Variants in GLIS3 observed in about 807,000 individuals in gnomAD.
GLIS3 encodes the protein zinc finger protein GLIS3.
A neutral mutation model predicts 78.6 loss-of-function variants in GLIS3; 53 were observed. The observed-to-expected ratio is 0.67, with a 90% CI of 0.54 to 0.85. GLIS3 has a LOEUF of 0.85. GLIS3 is among the 40% of genes least tolerant of loss of function. The pLI is 0.00. For missense variants in GLIS3, 1,703 were observed against 1,231.1 expected (o/e 1.38, Z -5.74); for synonymous variants, 684 against 509.9 (o/e 1.34, Z -4.60).
intron 2 of GLIS3, among the ~76,000 whole-genome samples, chr9:4,205,355 T>C (rs1819780532): frequency 6.6e-6 from 1 of 152,188 alleles, no homozygotes; most frequent in African/African-American, 2.4e-5. Flanking sequence ...CTGGCTTCAG[T>C]CAATCCTCAT....
chr9:4,439,763 G>A, the GLIS3 span, among the ~76,000 whole-genome samples: 1 of 152,010 alleles, frequency 6.6e-6, no homozygotes, highest in Non-Finnish European at 1.5e-5. Flanking sequence ...TCATATTTGG[G>A]AACCTTCCCA....
intron 3 of GLIS3, among the ~76,000 whole-genome samples, chr9:4,125,402 T>G (rs1032837219): frequency 6.6e-6 from 1 of 152,196 alleles, no homozygotes; most frequent in African/African-American, 2.4e-5. Context: ...CATGCAAATT[T>G]GCTAGGCCAT....
At chr9:3,982,489 T>C (rs1819381206) in intron 4 of GLIS3, among the ~76,000 whole-genome samples, 1 of 152,224 alleles carries the variant, frequency 6.6e-6, no homozygotes, top group African/African-American at 2.4e-5. Flanking sequence ...AATGGCTGCA[T>C]TCCTCTTTTA....
At chr9:3,849,606 G>C (rs1819293996) in intron 9 of GLIS3, among the ~76,000 whole-genome samples, 1 of 152,152 alleles carries the variant, frequency 6.6e-6, no homozygotes, top group African/African-American at 2.4e-5. Context: ...TTTCCTGTTA[G>C]ACGTCTTGTC....
At chr9:4,000,554 T>C (rs1416518879) in intron 4 of GLIS3, among the ~76,000 whole-genome samples, 1 of 151,858 alleles carries the variant, frequency 6.6e-6, no homozygotes, top group African/African-American at 2.4e-5. Flanking sequence ...TACCAGAGGG[T>C]AGAAAATATC....
At chr9:4,047,148 T>A (rs1018777739) in intron 4 of GLIS3, among the ~76,000 whole-genome samples, 1 of 152,148 alleles carries the variant, frequency 6.6e-6, no homozygotes, top group Non-Finnish European at 1.5e-5. Flanking sequence ...GTTCTTGTGT[T>A]AGTGAGTGAG....
intron 5 of GLIS3, 41 bp from the exon 6 acceptor site, chr9:3,932,511 A>G: frequency 7.0e-7 from 1 of 1,425,792 alleles, no homozygotes; most frequent in East Asian, 2.3e-5. Context: ...TGGTTAAATC[A>G]TAAAGGTAAT....
chr9:4,329,926 C>G (rs901974667), intron 2 of GLIS3, among the ~76,000 whole-genome samples: 1 of 152,142 alleles, frequency 6.6e-6, no homozygotes, highest in Non-Finnish European at 1.5e-5. Context: ...ATGAATGCAG[C>G]ATGATATTAT....
the GLIS3 span, among the ~76,000 whole-genome samples, chr9:4,367,577 T>C: frequency 7.3e-6 from 1 of 136,186 alleles, no homozygotes; most frequent in Non-Finnish European, 1.5e-5. Flanking sequence ...GAAGTAGCAG[T>C]GAGCCAAGAT....
the GLIS3 span, among the ~76,000 whole-genome samples, chr9:4,380,838 C>T: frequency 5.9e-5 from 9 of 152,194 alleles, no homozygotes; most frequent in South Asian, 2.1e-4. Context: ...AAGAATAGAA[C>T]GAGAAGAGAA....
intron 2 of GLIS3, among the ~76,000 whole-genome samples, chr9:4,261,222 C>T (rs71510207): frequency 0.14 from 21,371 of 152,156 alleles, 1,623 homozygotes; most frequent in Non-Finnish European, 0.16. Flanking sequence ...TATTGCAAAG[C>T]TCTGATGCTC....
intron 2 of GLIS3, among the ~76,000 whole-genome samples, chr9:4,313,587 T>C (rs1817396333): frequency 6.6e-6 from 1 of 152,214 alleles, no homozygotes; most frequent in Non-Finnish European, 1.5e-5. Context: ...GACTCCTTGA[T>C]CTTGGACCTT....
chr9:4,072,648 A>T (rs1234977083), intron 4 of GLIS3, among the ~76,000 whole-genome samples: 2 of 152,140 alleles, frequency 1.3e-5, no homozygotes, highest in African/African-American at 4.8e-5. Context: ...ATTCACTGAA[A>T]AGTTTAGCCA....
chr9:4,337,750 G>A (rs1018165412), intron 2 of GLIS3, among the ~76,000 whole-genome samples: 10 of 152,046 alleles, frequency 6.6e-5, no homozygotes, highest in Non-Finnish European at 1.5e-4. Context: ...CACAATAGTA[G>A]CATAATAGTA....
At chr9:4,451,582 T>G in the GLIS3 span, among the ~76,000 whole-genome samples, 5 of 152,086 alleles carry the variant, frequency 3.3e-5, no homozygotes, top group Non-Finnish European at 7.4e-5. Flanking sequence ...ACCCCAAAAT[T>G]GACCACATAG....
At chr9:4,130,907 C>G (rs1832927004) in intron 2 of GLIS3, among the ~76,000 whole-genome samples, 1 of 152,200 alleles carries the variant, frequency 6.6e-6, no homozygotes, top group African/African-American at 2.4e-5. Context: ...TCAATGCCAG[C>G]CCATGAAAAC....
At chr9:4,059,280 A>C (rs1301189031) in intron 4 of GLIS3, among the ~76,000 whole-genome samples, 1 of 152,194 alleles carries the variant, frequency 6.6e-6, no homozygotes, top group Non-Finnish European at 1.5e-5. Context: ...TCAGCTTTAA[A>C]GCACAGGAGG....
chr9:4,378,877 T>C, the GLIS3 span, among the ~76,000 whole-genome samples: 64 of 152,300 alleles, frequency 4.2e-4, no homozygotes, highest in East Asian at 3.1e-3. Flanking sequence ...ACCTGGAGAC[T>C]GATTCTTCCT....
At chr9:4,050,609 A>T (rs1401433871) in intron 4 of GLIS3, among the ~76,000 whole-genome samples, 2 of 152,164 alleles carry the variant, frequency 1.3e-5, no homozygotes, top group Non-Finnish European at 2.9e-5. Context: ...TAAAAATAAA[A>T]GTAATTTTAA....
Sources: gnomAD v4.1 joint callset for allele counts (sites outside exome capture counted in the v4.1 genomes callset) on GRCh38, gnomAD v4.1.1 for gene constraint, MANE v1.5 for transcripts, NCBI Gene and HGNC (gene_info 2026-07-23, HGNC 2026-07-21) for gene names.